RAB28: variants seen among roughly 807,000 people sequenced by gnomAD.
The protein encoded by RAB28 is ras-related protein Rab-28.
A neutral mutation model predicts 31.7 loss-of-function variants in RAB28; 24 were observed. The observed-to-expected ratio is 0.76, with a 90% CI of 0.55 to 1.06. RAB28 has a LOEUF of 1.06. Among genes scored for constraint, RAB28 ranks in the 50% least tolerant of loss-of-function variants. The probability of loss-of-function intolerance (pLI) is 0.00; values close to 1 mark genes in which losing one functional copy is unlikely to be tolerated. For missense variants in RAB28, 254 were observed against 258.5 expected (o/e 0.98, Z 0.12); for synonymous variants, 100 against 90.4 (o/e 1.11, Z -0.60).
intron 4 of RAB28, among the ~76,000 whole-genome samples, chr4:13,385,126 CTGAAA>C (rs1729309394): frequency 6.6e-6 from 1 of 151,990 alleles, no homozygotes; most frequent in Admixed American, 6.6e-5. Flanking sequence ...GACTGGCTTC[CTGAAA>C]TAAGTCAGAC....
In RAB28 at chr4:13,421,970, C is replaced by G. The variant is rs1183653943; in HGVS notation, c.391+38729G>C. On this transcript the variant is annotated intron_variant, in intron 4 of 6. Coordinates refer to ENST00000330852, the MANE Select transcript of RAB28 (RefSeq NM_001017979.3). ...ACCATCAGAGTGAACAGGCAACCTA[C>G]AGAATGAGAGAACATTTTTGCAGTC... is the stretch of plus-strand genomic sequence containing the variant. 2.0e-5 allele frequency among the ~76,000 whole-genome samples: 3 copies of G among 151,904 alleles called. No homozygotes were observed. In the South Asian group the frequency reaches 6.2e-4, roughly 32 times the overall value.
chr4:13,440,068 G>C (rs1313017939), intron 4 of RAB28, among the ~76,000 whole-genome samples: 1 of 151,936 alleles, frequency 6.6e-6, no homozygotes, highest in Non-Finnish European at 1.5e-5. Context: ...TTTTCTCCAG[G>C]ACAATCCACT....
At chr4:13,404,803 T>G (rs1323358130) in intron 4 of RAB28, among the ~76,000 whole-genome samples, 1 of 152,144 alleles carries the variant, frequency 6.6e-6, no homozygotes, top group Non-Finnish European at 1.5e-5. Flanking sequence ...AGAATACTTT[T>G]TTTACAGAAA....
chr4:13,372,414 A>G (rs1056088462), intron 6 of RAB28, among the ~76,000 whole-genome samples: 2 of 152,092 alleles, frequency 1.3e-5, no homozygotes, highest in Non-Finnish European at 1.5e-5. Context: ...TGGGCAAGTT[A>G]TTTCATGTCT....
chr4:13,437,049 T>C (rs920472205), intron 4 of RAB28, among the ~76,000 whole-genome samples: 6 of 151,916 alleles, frequency 3.9e-5, no homozygotes, highest in African/African-American at 1.5e-4. Context: ...AACCCAGAAA[T>C]AAAGCCACAC....
intron 4 of RAB28, among the ~76,000 whole-genome samples, chr4:13,434,976 G>A (rs1263113707): frequency 2.9e-5 from 4 of 136,350 alleles, no homozygotes; most frequent in African/African-American, 8.7e-5. Context: ...CCGAGATCAC[G>A]CCACTGTACT....
chr4:13,484,259 C>A lies in RAB28; in HGVS notation c.-109G>T. ...GGAGGTAGTTGCGGCAGGACCCCCG[C>A]CCCGGTGTCTCCGCGCCGGCAGGAG... On this transcript the variant is annotated 5_prime_UTR_variant, in exon 1 of 7. Transcript: ENST00000330852. The A allele has an allele frequency of 1.2e-6, 1 of 814,776 alleles. No individual in the cohort carries two copies. Among genetic ancestry groups the A allele is most frequent in the Non-Finnish European group, 2.1e-6 (1 of 486,200 alleles). The allele number at this position is 814,776 out of a possible 1,614,324, so 50.5% of individuals were successfully genotyped here. A position where few individuals can be genotyped will look rare whatever the true frequency, so the allele number is the denominator to read the frequency against.
chr4:13,478,199 T>A (rs996123802), intron 2 of RAB28, among the ~76,000 whole-genome samples: 1 of 151,422 alleles, frequency 6.6e-6, no homozygotes, highest in Admixed American at 6.6e-5. Flanking sequence ...TCCGTAAGAG[T>A]GAGAATAATA....
chr4:13,449,946 G>A (rs1420991508), intron 4 of RAB28, among the ~76,000 whole-genome samples: 1 of 151,814 alleles, frequency 6.6e-6, no homozygotes, highest in Admixed American at 6.6e-5. Context: ...GGATCAGATA[G>A]TATAAAGGCA....
At chr4:13,403,690 A>G (rs1031092740) in intron 4 of RAB28, among the ~76,000 whole-genome samples, 5 of 152,172 alleles carry the variant, frequency 3.3e-5, no homozygotes, top group Non-Finnish European at 5.9e-5. Context: ...CGTACCAAGT[A>G]CATCATTTTA....
chr4:13,450,001 C>T (rs1280655506), intron 4 of RAB28, among the ~76,000 whole-genome samples: 4 of 151,542 alleles, frequency 2.6e-5, no homozygotes, highest in Non-Finnish European at 4.4e-5. Flanking sequence ...AATTAAAATG[C>T]CATGTGGTTA....
chr4:13,433,099 A>C (rs1417638976), intron 4 of RAB28, among the ~76,000 whole-genome samples: 1 of 151,782 alleles, frequency 6.6e-6, no homozygotes, highest in African/African-American at 2.4e-5. Context: ...CATAGGCTCA[A>C]AGTAAAGGTA....
intron 4 of RAB28, among the ~76,000 whole-genome samples, chr4:13,410,756 A>G (rs1306123005): frequency 6.6e-6 from 1 of 152,152 alleles, no homozygotes; most frequent in African/African-American, 2.4e-5. Flanking sequence ...AGGCAAGAAC[A>G]GGCTAAGGTA....
chr4:13,462,683 G>C (rs918638588), intron 3 of RAB28, among the ~76,000 whole-genome samples: 11 of 152,064 alleles, frequency 7.2e-5, no homozygotes, highest in African/African-American at 2.7e-4. Context: ...GAGTTAGATG[G>C]TCTCTAAGAT....
At chr4:13,443,156 C>T (rs1182825820) in intron 4 of RAB28, among the ~76,000 whole-genome samples, 5 of 151,616 alleles carry the variant, frequency 3.3e-5, no homozygotes, top group South Asian at 2.1e-4. Flanking sequence ...CTTAAAACAA[C>T]AACTATGTGT....
At chr4:13,477,094 T>C (rs1458623269) in intron 2 of RAB28, among the ~76,000 whole-genome samples, 1 of 151,608 alleles carries the variant, frequency 6.6e-6, no homozygotes, top group Non-Finnish European at 1.5e-5. Context: ...CGCTGTTTAC[T>C]GGACTGTACC....
chr4:13,457,871 T>C (rs1485787342), intron 4 of RAB28, among the ~76,000 whole-genome samples: 2 of 152,192 alleles, frequency 1.3e-5, no homozygotes. Flanking sequence ...TAGTGGTAGT[T>C]AGATTATATC....
chr4:13,434,686 A>G (rs539979847), intron 4 of RAB28, among the ~76,000 whole-genome samples: 27 of 152,128 alleles, frequency 1.8e-4, no homozygotes, highest in Non-Finnish European at 3.4e-4. Flanking sequence ...AATCAAAATC[A>G]TATCTAGCAT....
chr4:13,391,737 G>T (rs900662608), intron 4 of RAB28, among the ~76,000 whole-genome samples: 4 of 152,154 alleles, frequency 2.6e-5, no homozygotes, highest in Admixed American at 2.6e-4. Context: ...AAAAAAGGAT[G>T]AGTTCTTTTC....
Sources: gnomAD v4.1 joint callset for allele counts (sites outside exome capture counted in the v4.1 genomes callset) on GRCh38, gnomAD v4.1.1 for gene constraint, MANE v1.5 for transcripts, NCBI Gene and HGNC (gene_info 2026-07-23, HGNC 2026-07-21) for gene names.